WWOX: variants seen among roughly 807,000 people sequenced by gnomAD.
The protein encoded by WWOX is WW domain containing oxidoreductase, also known as WW domain-containing oxidoreductase.
WWOX carries 69 observed loss-of-function variants against 46.2 expected under a neutral mutation model. The observed-to-expected ratio is 1.49, with a 90% CI of 1.23 to 1.82. The LOEUF is 1.82. Among genes scored for constraint, WWOX ranks in the 40% most tolerant of loss-of-function variants. WWOX has a pLI of 0.00. For missense variants in WWOX, 919 were observed against 542.6 expected, an observed-to-expected ratio of 1.69 and a Z score of -6.89; for synonymous variants, 359 against 202.6, an observed-to-expected ratio of 1.77 and a Z score of -6.56.
chr16:78,526,259 A>C (rs1393878475), intron 8 of WWOX: 1 of 152,350 alleles, frequency 6.6e-6, no homozygotes, highest in Non-Finnish European at 1.5e-5. Flanking sequence ...TAATTGCTTC[A>C]TGTGTTGTTG....
intron 8 of WWOX, among the ~76,000 whole-genome samples, chr16:78,694,093 G>T (rs964255654): frequency 1.3e-5 from 2 of 152,188 alleles, no homozygotes; most frequent in Middle Eastern, 3.4e-3. Context: ...TTACCTAGGC[G>T]TGGTAGTGTG....
chr16:78,570,215 C>G (rs185401741), intron 8 of WWOX, among the ~76,000 whole-genome samples: 2 of 152,152 alleles, frequency 1.3e-5, no homozygotes, highest in Non-Finnish European at 2.9e-5. Context: ...ATAAAGAATG[C>G]TAGACTACGG....
At chr16:78,564,809 A>T (rs1234274507) in intron 8 of WWOX, among the ~76,000 whole-genome samples, 1 of 151,874 alleles carries the variant, frequency 6.6e-6, no homozygotes, top group East Asian at 1.9e-4. Flanking sequence ...TCCCCTCAAG[A>T]TCTATTTACG....
intron 4 of WWOX, among the ~76,000 whole-genome samples, chr16:78,163,913 C>G (rs62045117): frequency 6.6e-6 from 1 of 151,982 alleles, no homozygotes; most frequent in Non-Finnish European, 1.5e-5. Flanking sequence ...CAGTCCGGGC[C>G]AGATGGTTCT....
intron 8 of WWOX, among the ~76,000 whole-genome samples, chr16:79,188,728 C>T (rs1248157401): frequency 2.6e-5 from 4 of 152,202 alleles, no homozygotes; most frequent in Admixed American, 6.5e-5. Context: ...ATCCTGCAAG[C>T]GAATTGCCAC....
rs1357882731 is a variant in WWOX at position 78,802,931 on chromosome 16, A to C, written c.1056+370179A>C. 5.6e-5 allele frequency among the ~76,000 whole-genome samples: 6 copies of C among 106,686 alleles called. 1 individual carries two copies. Among genetic ancestry groups the C allele is most frequent in the Non-Finnish European group, 7.5e-5 (4 of 53,374 alleles). The allele number at this position is 106,686 out of a possible 152,430, so 70.0% of individuals were successfully genotyped here. ...ACTTCATCTGAAAAAAAAAAAAAAAAAAAAAAAAAAACAACAAACAGAAAA... is the reference window on the plus strand; with the variant it reads ...ACTTCATCTGAAAAAAAAAAAAAAACAAAAAAAAAAACAACAAACAGAAAA... On this transcript the variant is annotated intron_variant, in intron 8 of 8. Coordinates refer to ENST00000566780, the MANE Select transcript of WWOX (RefSeq NM_016373.4).
At chr16:78,806,811 G>C (rs1400697899) in intron 8 of WWOX, among the ~76,000 whole-genome samples, 2 of 152,182 alleles carry the variant, frequency 1.3e-5, no homozygotes, top group Admixed American at 1.3e-4. Context: ...AAGAGAATGT[G>C]GGACTGGACA....
At chr16:79,207,518 C>A (rs1220034874) in intron 8 of WWOX, among the ~76,000 whole-genome samples, 2 of 152,234 alleles carry the variant, frequency 1.3e-5, no homozygotes, top group Non-Finnish European at 2.9e-5. Context: ...ATTAATTCAG[C>A]ATTTGCTGTG....
intron 8 of WWOX, among the ~76,000 whole-genome samples, chr16:78,529,449 C>G (rs566439138): frequency 3.3e-5 from 5 of 151,810 alleles, no homozygotes; most frequent in Admixed American, 3.3e-4. Flanking sequence ...CTTTCTGGAC[C>G]TCTTCTCAGA....
chr16:79,205,935 T>G (rs1384691874), intron 8 of WWOX: 1 of 152,166 alleles, frequency 6.6e-6, no homozygotes, highest in Admixed American at 6.5e-5. Flanking sequence ...ATGTCGGTGC[T>G]TTGAAAAAAT....
At chr16:79,095,793 C>T (rs1288511406) in intron 8 of WWOX, among the ~76,000 whole-genome samples, 1 of 151,412 alleles carries the variant, frequency 6.6e-6, no homozygotes, top group Non-Finnish European at 1.5e-5. Context: ...AAGCCGACTT[C>T]ACCCTTGCAT....
At chr16:78,718,939 C>T (rs7191047) in intron 8 of WWOX, among the ~76,000 whole-genome samples, 101,361 of 151,398 alleles carry the variant, frequency 0.67, 34,962 homozygotes, top group African/African-American at 0.85. Context: ...CTGGGGCTCT[C>T]TTGAAATAAT....
Position 79,162,934 on chromosome 16 carries a change from C to G in WWOX, c.1057-48674C>G, listed in dbSNP as rs182131387. ...ATCTCAGCAACCATCTTTCCCATCT[C>G]TGGGAAGAGAATGTTGTCCCCCAGA... On this transcript the variant is annotated intron_variant, in intron 8 of 8. Coordinates refer to ENST00000566780, the MANE Select transcript of WWOX (RefSeq NM_016373.4). 3.3e-5 allele frequency among the ~76,000 whole-genome samples: 5 copies of G among 152,316 alleles called. No individual in the cohort carries two copies. In the East Asian group the frequency reaches 5.8e-4, roughly 18 times the overall value.
intron 8 of WWOX, among the ~76,000 whole-genome samples, chr16:78,794,578 A>G (rs1286927362): frequency 6.6e-6 from 1 of 152,220 alleles, no homozygotes; most frequent in African/African-American, 2.4e-5. Context: ...AATACCTCTT[A>G]GTGTTGCTGT....
intron 8 of WWOX, among the ~76,000 whole-genome samples, chr16:78,987,700 C>A (rs1408596378): frequency 4.6e-5 from 7 of 152,130 alleles, no homozygotes; most frequent in African/African-American, 1.2e-4. Context: ...GGCAGAGTAA[C>A]GTGAATTCAT....
intron 8 of WWOX, among the ~76,000 whole-genome samples, chr16:79,110,089 T>TTAGCAA (rs2049388284): frequency 6.6e-6 from 1 of 152,176 alleles, no homozygotes; most frequent in South Asian, 2.1e-4. Context: ...AGACTTTCGC[T>TTAGCAA]TAGCAACCTC....
At chr16:79,169,281 C>T (rs1236593230) in intron 8 of WWOX, among the ~76,000 whole-genome samples, 1 of 152,062 alleles carries the variant, frequency 6.6e-6, no homozygotes, top group Non-Finnish European at 1.5e-5. Flanking sequence ...ATGTCTGAGA[C>T]TTGTGATGTG....
intron 8 of WWOX, among the ~76,000 whole-genome samples, chr16:78,982,910 G>T (rs1385073888): frequency 6.6e-6 from 1 of 152,094 alleles, no homozygotes; most frequent in East Asian, 1.9e-4. Context: ...TGTGAACAGT[G>T]CCTGAAATAA....
chr16:79,033,220 G>A (rs1028501283), intron 8 of WWOX, among the ~76,000 whole-genome samples: 4 of 142,084 alleles, frequency 2.8e-5, no homozygotes, highest in African/African-American at 5.2e-5. Flanking sequence ...ATATATATTT[G>A]TTAGGGTAAA....
Sources: allele counts gnomAD v4.1 joint callset (sites outside exome capture counted in the v4.1 genomes callset), GRCh38; gene constraint gnomAD v4.1.1; transcripts MANE v1.5; gene names NCBI Gene and HGNC (gene_info 2026-07-23, HGNC 2026-07-21).